The following SLC35D2 variants were observed in gnomAD, a reference collection of about 807,000 sequenced individuals.
SLC35D2 encodes solute carrier family 35 member D2, also known as nucleotide sugar transporter SLC35D2.
SLC35D2 carries 43 observed loss-of-function variants against 41.8 expected under a neutral mutation model. That is an observed-to-expected ratio of 1.03 (90% confidence interval 0.81 to 1.33). The LOEUF (loss-of-function observed/expected upper bound fraction) is 1.33. SLC35D2 is among the 40% of genes most tolerant of loss of function. SLC35D2 has a pLI of 0.00. For synonymous variants in SLC35D2, 150 were observed against 163.9 expected, an observed-to-expected ratio of 0.92 and a Z score of 0.65; for missense variants, 380 against 408.4, an observed-to-expected ratio of 0.93 and a Z score of 0.60.
At chr9:96,375,287 C>T (rs373731085) in intron 1 of SLC35D2, among the ~76,000 whole-genome samples, 113 of 151,978 alleles carry the variant, frequency 7.4e-4, no homozygotes, top group Middle Eastern at 3.4e-3. Context: ...TCTTAAAAAA[C>T]GTACTGACAG....
chr9:96,322,929 G>A (rs997796090), intron 10 of SLC35D2, among the ~76,000 whole-genome samples: 1 of 151,986 alleles, frequency 6.6e-6, no homozygotes, highest in Non-Finnish European at 1.5e-5. Flanking sequence ...ATACTGGCCA[G>A]GCTGGTCTCT....
intron 4 of SLC35D2, among the ~76,000 whole-genome samples, chr9:96,355,816 C>CA (rs1829999963): frequency 6.6e-6 from 1 of 151,550 alleles, no homozygotes; most frequent in African/African-American, 2.4e-5. Context: ...ATGTTTAAAT[C>CA]AAAAAAAGAA....
intron 4 of SLC35D2, among the ~76,000 whole-genome samples, chr9:96,352,414 C>G (rs993144116): frequency 6.6e-6 from 1 of 151,926 alleles, no homozygotes; most frequent in Non-Finnish European, 1.5e-5. Context: ...CTCTGCCTCC[C>G]GGGTTCAAGC....
downstream of SLC35D2, among the ~76,000 whole-genome samples, chr9:96,318,552 T>G (rs1828111875): frequency 6.6e-6 from 1 of 152,124 alleles, no homozygotes; most frequent in Non-Finnish European, 1.5e-5. Flanking sequence ...ACAATTTGAT[T>G]AAGAAATGGG....
chr9:96,341,947 A>AAATAT (rs1554712405), intron 8 of SLC35D2, among the ~76,000 whole-genome samples: 9 of 150,936 alleles, frequency 6.0e-5, no homozygotes, highest in African/African-American at 1.7e-4. Context: ...GGAAAAAAAA[A>AAATAT]ATATATATAT....
In SLC35D2 at chr9:96,383,497, CT is replaced by C. The variant is rs1831295692; in HGVS notation, c.137del (p.Lys46ArgfsTer4). ...CTCACCCGTAGGTGGTCAGCAGCGCCTTGTTGACAAGCACGATGAGGAAGGA... is the reference window on the plus strand; with the variant it reads ...CTCACCCGTAGGTGGTCAGCAGCGCCTGTTGACAAGCACGATGAGGAAGGA... Reference protein sequence around the residue: ...TCSFLIVLVNKALLTTYGFPS... With the variant: ...TCSFLIVLVNXALLTTYGFPS... On this transcript the variant is annotated frameshift_variant, in exon 1 of 12. Coordinates refer to ENST00000253270, the MANE Select transcript of SLC35D2 (RefSeq NM_007001.3). LOFTEE classifies it high-confidence loss of function. 1 of 1,537,542 alleles carries C rather than the reference CT, an allele frequency of 6.5e-7. No homozygotes were observed. The highest frequency in any genetic ancestry group is 8.8e-7 in the Non-Finnish European group (1 of 1,141,740).
chr9:96,368,521 G>T lies in SLC35D2; in HGVS notation c.159-216C>A, dbSNP rs1413978298. On this transcript the variant is annotated intron_variant, in intron 1 of 11. Coordinates refer to ENST00000253270, the MANE Select transcript of SLC35D2 (RefSeq NM_007001.3). ...AGTGGTGTAAACATGGCTCACTGGA[G>T]TCTCAACCTTCTGGGCTCAGAAGAT... 2.0e-5 allele frequency among the ~76,000 whole-genome samples: 3 copies of T among 151,002 alleles called. No individual in the cohort carries two copies. In the Admixed American group the frequency reaches 2.0e-4, roughly 10 times the overall value.
intron 5 of SLC35D2, among the ~76,000 whole-genome samples, chr9:96,351,685 C>A (rs866695299): frequency 6.6e-6 from 1 of 152,172 alleles, no homozygotes; most frequent in South Asian, 2.1e-4. Flanking sequence ...ATCCCTCATA[C>A]CCTGCACAAC....
chr9:96,358,612 A>ACACTAATT (rs1830135391), intron 4 of SLC35D2, among the ~76,000 whole-genome samples: 1 of 152,220 alleles, frequency 6.6e-6, no homozygotes, highest in South Asian at 2.1e-4. Flanking sequence ...AGGTGTCAGG[A>ACACTAATT]CACTAATTTA....
At chr9:96,342,723 G>A (rs1829390960) in intron 8 of SLC35D2, among the ~76,000 whole-genome samples, 2 of 152,168 alleles carry the variant, frequency 1.3e-5, no homozygotes, top group Admixed American at 1.3e-4. Flanking sequence ...AGGTTGCTAA[G>A]CCCTTCTGCT....
In SLC35D2 at chr9:96,332,850, T is replaced by TA. The variant is rs534737825; in HGVS notation, c.752+3866dup. The stretch of plus-strand genomic sequence containing the variant: ...TCAAACTTGAGTAAACCTGAAATGT[T>TA]AATGATTTCATCATTTTTACTGTTT... On this transcript the variant is annotated intron_variant, in intron 9 of 11. Coordinates refer to ENST00000253270, the MANE Select transcript of SLC35D2 (RefSeq NM_007001.3). Among the ~76,000 whole-genome samples the TA allele has an allele frequency of 8.0e-4, 122 of 152,154 alleles. 2 individuals are homozygous for TA. Among genetic ancestry groups the TA allele is most frequent in the African/African-American group, 2.8e-3 (115 of 41,538 alleles).
rs114517139 is a variant in SLC35D2, at chr9:96,344,670, A to C, written c.591+629T>G. Among the ~76,000 whole-genome samples the C allele has an allele frequency of 5.4e-3, 800 of 147,410 alleles. 9 individuals carry two copies. The highest frequency in any genetic ancestry group is 0.018 in the African/African-American group (732 of 39,682). ...CAGCACAAAGAGCTTGGAACAAAGAAACATATGCCTGACTCATCCTCCGGG... is the reference window on the plus strand; with the variant it reads ...CAGCACAAAGAGCTTGGAACAAAGACACATATGCCTGACTCATCCTCCGGG... On this transcript the variant is annotated intron_variant, in intron 7 of 11. Coordinates refer to ENST00000253270, the MANE Select transcript of SLC35D2 (RefSeq NM_007001.3).
intron 8 of SLC35D2, among the ~76,000 whole-genome samples, chr9:96,339,494 GATTT>G (rs1254980380): frequency 7.2e-5 from 11 of 151,922 alleles, no homozygotes; most frequent in Non-Finnish European, 4.4e-5. Flanking sequence ...AATGCAGCAT[GATTT>G]ATTTTTAAAT....
In SLC35D2 at chr9:96,356,943, A is replaced by T. The variant is rs1218888401; in HGVS notation, c.347+3211T>A. Among the ~76,000 whole-genome samples the T allele has an allele frequency of 5.9e-5, 9 of 152,264 alleles. No individual in the cohort carries two copies. In the East Asian group the frequency reaches 1.7e-3, roughly 29 times the overall value. ...ATGCCTGTAATCCCAGCACTTTGGG[A>T]GGCCGAGGCAGATGGATCACCTGAG... On this transcript the variant is annotated intron_variant, in intron 4 of 11. Coordinates refer to ENST00000253270, the MANE Select transcript of SLC35D2 (RefSeq NM_007001.3).
chr9:96,375,300 G>A (rs1234412357), intron 1 of SLC35D2, among the ~76,000 whole-genome samples: 1 of 151,892 alleles, frequency 6.6e-6, no homozygotes, highest in Non-Finnish European at 1.5e-5. Flanking sequence ...ACTGACAGCC[G>A]GGTGCAGTGG....
chr9:96,373,449 G>T (rs1249692570), intron 1 of SLC35D2, among the ~76,000 whole-genome samples: 1 of 152,058 alleles, frequency 6.6e-6, no homozygotes, highest in Non-Finnish European at 1.5e-5. Context: ...AGCACTTTGG[G>T]AGGCCAGGTC....
intron 9 of SLC35D2, among the ~76,000 whole-genome samples, chr9:96,336,292 G>A (rs1334894654): frequency 2.6e-5 from 4 of 152,056 alleles, no homozygotes; most frequent in African/African-American, 9.7e-5. Flanking sequence ...TGTAGTCCCA[G>A]CTAATCAGGA....
At position 96,354,766 on chromosome 9, in the gene SLC35D2, C is replaced by CAAA. The variant is rs59013884; in HGVS notation, c.348-2660_348-2658dup. Among the ~76,000 whole-genome samples, 194 of 46,300 alleles carry CAAA rather than the reference C, an allele frequency of 4.2e-3. 7 individuals are homozygous for CAAA. Among genetic ancestry groups the CAAA allele is most frequent in the African/African-American group, 5.5e-3 (94 of 16,948 alleles). The allele number at this position is 46,300 out of a possible 152,430, so 30.4% of individuals were successfully genotyped here. On this transcript the variant is annotated intron_variant, in intron 4 of 11. Transcript: ENST00000253270. ...TGGGCAACAAAGTGAGACTCCATCT[C>CAAA]AAAAAAAAAAAAAAAAAAAAAAAAA...
In SLC35D2 at chr9:96,361,984, G is replaced by A. The variant is rs142474556; in HGVS notation, c.280-1763C>T. 4.7e-3 allele frequency among the ~76,000 whole-genome samples: 710 copies of A among 152,314 alleles called. 5 individuals carry two copies. The highest frequency in any genetic ancestry group is 0.016 in the African/African-American group (683 of 41,560). ...CAGGGTCCAACTAGAAGCATGTTCA[G>A]AGTGGTACTTTTTATTTTTCTAGCC... is the stretch of plus-strand genomic sequence containing the variant. On this transcript the variant is annotated intron_variant, in intron 3 of 11. Transcript: ENST00000253270.
Sources: gnomAD v4.1 joint callset for allele counts (sites outside exome capture counted in the v4.1 genomes callset) on GRCh38, gnomAD v4.1.1 for gene constraint, MANE v1.5 for transcripts, NCBI Gene and HGNC (gene_info 2026-07-23, HGNC 2026-07-21) for gene names.